MFAP3L: variants seen among roughly 807,000 people sequenced by gnomAD.
MFAP3L encodes the protein microfibrillar-associated protein 3-like.
In MFAP3L, 5 loss-of-function variants were observed where a neutral mutation model predicts 20.0. The ratio of observed to expected loss-of-function variants is 0.25; its 90% CI spans 0.13 to 0.53. The LOEUF is 0.53. MFAP3L is among the 20% of genes least tolerant of loss of function. MFAP3L has a pLI of 0.96. For missense variants in MFAP3L, 409 were observed against 527.5 expected (o/e 0.78, Z 2.20); for synonymous variants, 219 against 213.0 (o/e 1.03, Z -0.25).
chr4:170,011,982 G>A (rs1456948926), intron 1 of MFAP3L, among the ~76,000 whole-genome samples: 1 of 152,182 alleles, frequency 6.6e-6, no homozygotes, highest in Admixed American at 6.5e-5. Flanking sequence ...GGTGGTGTGT[G>A]CAAGAACAGA....
intron 2 of MFAP3L, among the ~76,000 whole-genome samples, chr4:170,001,401 A>G (rs1328380744): frequency 2.0e-5 from 3 of 152,232 alleles, no homozygotes; most frequent in African/African-American, 7.2e-5. Flanking sequence ...GTTTTTGGCA[A>G]CCAGACACTA....
chr4:170,013,689 A>G (rs1739523852), intron 1 of MFAP3L, among the ~76,000 whole-genome samples: 1 of 152,220 alleles, frequency 6.6e-6, no homozygotes, highest in South Asian at 2.1e-4. Context: ...AAATTGTTCT[A>G]GCACTTGAAA....
chr4:170,001,965 C>G (rs1248058264), intron 2 of MFAP3L: 1 of 985,340 alleles, frequency 1.0e-6, no homozygotes, highest in Admixed American at 6.1e-5. Context: ...GCTCTCTCAC[C>G]TTTTCAGCAG....
chr4:170,019,690 G>C (rs1424426246), intron 1 of MFAP3L, among the ~76,000 whole-genome samples: 1 of 152,166 alleles, frequency 6.6e-6, no homozygotes, highest in African/African-American at 2.4e-5. Context: ...GGACAATTCT[G>C]GAGCACTTTA....
In MFAP3L at chr4:169,991,429, T is replaced by G; in HGVS notation, c.1179A>C (p.Pro393=). 6.2e-7 allele frequency: 1 copy of G among 1,614,204 alleles called. No individual in the cohort carries two copies. The highest frequency in any genetic ancestry group is 8.5e-7 in the Non-Finnish European group (1 of 1,180,026). Residue 393 remains proline, a synonymous_variant, in exon 3 of 3, where the codon CCA becomes CCC. Transcript: ENST00000361618. The surrounding 1 kb of genome is among the most constrained non-coding windows in gnomAD (Gnocchi z 4.9). ...AGGTGTTTTTGTCATGTGTCACTGC[T>G]GGCTCTGTGGCTTCCAGGTAAGCTG... ...LPPAYLEATE[P]AVTHDKNTCI...
intron 1 of MFAP3L, among the ~76,000 whole-genome samples, chr4:170,016,448 C>A (rs1038827638): frequency 2.0e-5 from 3 of 152,232 alleles, no homozygotes; most frequent in East Asian, 1.9e-4. Flanking sequence ...AACCCTCAGG[C>A]CTTCAACCAG....
At chr4:169,995,947 T>C (rs994891517) in intron 2 of MFAP3L, among the ~76,000 whole-genome samples, 1 of 152,080 alleles carries the variant, frequency 6.6e-6, no homozygotes, top group African/African-American at 2.4e-5. Flanking sequence ...ACTCTCACGT[T>C]CTTCCTGCAC....
At chr4:170,020,028 T>A (rs552791915) in intron 1 of MFAP3L, among the ~76,000 whole-genome samples, 1 of 152,232 alleles carries the variant, frequency 6.6e-6, no homozygotes, top group Non-Finnish European at 1.5e-5. Context: ...GTCTGTGCCC[T>A]GTGATAAGGT....
chr4:170,022,612 A>C (rs901349930), intron 1 of MFAP3L, among the ~76,000 whole-genome samples: 3 of 152,204 alleles, frequency 2.0e-5, no homozygotes, highest in Non-Finnish European at 4.4e-5. Context: ...TGGGGCACGG[A>C]AGTTCAAACA....
chr4:170,004,051 G>A (rs1389352397), intron 2 of MFAP3L, among the ~76,000 whole-genome samples: 3 of 152,134 alleles, frequency 2.0e-5, no homozygotes, highest in Admixed American at 6.5e-5. Flanking sequence ...CTGCCTCCTG[G>A]GTTCAAGAGA....
In MFAP3L at chr4:169,989,665, G is replaced by A. The variant is rs1261114296; in HGVS notation, c.*1713C>T. ...TCACCTCCTCAGATGGTGACAGAGT[G>A]AGGACTAAACATCTGGGTCTGCTCT... is the stretch of plus-strand genomic sequence containing the variant. On this transcript the variant is annotated 3_prime_UTR_variant, in exon 3 of 3. Coordinates refer to ENST00000361618, the MANE Select transcript of MFAP3L (RefSeq NM_021647.8). 2 of 152,218 alleles carry A rather than the reference G, an allele frequency of 1.3e-5. No homozygotes were observed. The highest frequency in any genetic ancestry group is 6.5e-5 in the Admixed American group (1 of 15,278). The allele number at this position is 152,218 out of a possible 1,614,324, so 9.4% of individuals were successfully genotyped here.
rs1166648810 is a variant in MFAP3L, at chr4:169,990,523, T to C, written c.*855A>G. ...GATGTAACTTAAACAGTGACTTTCATGGGTGGTGTGGGTATATTTAACCTT... is the reference window on the plus strand; with the variant it reads ...GATGTAACTTAAACAGTGACTTTCACGGGTGGTGTGGGTATATTTAACCTT... On this transcript the variant is annotated 3_prime_UTR_variant, in exon 3 of 3. Transcript: ENST00000361618. The C allele has an allele frequency of 6.6e-6, 1 of 152,612 alleles. No individual in the cohort carries two copies. The highest frequency in any genetic ancestry group is 2.4e-5 in the African/African-American group (1 of 41,448). The allele number at this position is 152,612 out of a possible 1,614,324, so 9.5% of individuals were successfully genotyped here. A position where few individuals can be genotyped will look rare whatever the true frequency, so the allele number is the denominator to read the frequency against.
rs1283606197 is a variant in MFAP3L at position 169,989,075 on chromosome 4, G to C, written c.*2303C>G. On this transcript the variant is annotated 3_prime_UTR_variant, in exon 3 of 3. Transcript: ENST00000361618. Reference sequence around the variant, plus strand: ...AACTTAAGTCCTCTGTTGTTGCTTTGGGCATATAAACCCATGGTAATGAAT... The same window carrying C: ...AACTTAAGTCCTCTGTTGTTGCTTTCGGCATATAAACCCATGGTAATGAAT... 2.0e-5 allele frequency: 3 copies of C among 152,016 alleles called. No homozygotes were observed. Among genetic ancestry groups the C allele is most frequent in the African/African-American group, 7.2e-5 (3 of 41,392 alleles). 9.4% of individuals were successfully genotyped at this position (152,016 alleles called of 1,614,324 possible).
Position 170,026,251 on chromosome 4 carries a change from CT to C in MFAP3L, c.-152del. The C allele has an allele frequency of 3.0e-6, 3 of 984,656 alleles. No homozygotes were observed. In the South Asian group the frequency reaches 1.4e-4, roughly 46 times the overall value. 61.0% of individuals were successfully genotyped at this position (984,656 alleles called of 1,614,324 possible). Reference sequence around the variant, plus strand: ...CCGCTAACCTGACACCGCCGCGCCACTCAGGTGGCCGCCGTGCACCCCTCGC... The same window carrying C: ...CCGCTAACCTGACACCGCCGCGCCACCAGGTGGCCGCCGTGCACCCCTCGC... On this transcript the variant is annotated 5_prime_UTR_variant, in exon 1 of 3. It removes the in-frame stop codon of an upstream open reading frame in the 5' UTR. Transcript: ENST00000361618.
At chr4:170,007,819 C>A (rs1223137143) in intron 1 of MFAP3L, among the ~76,000 whole-genome samples, 1 of 152,056 alleles carries the variant, frequency 6.6e-6, no homozygotes, top group Non-Finnish European at 1.5e-5. Flanking sequence ...GGTGCCCGAG[C>A]CATAGCAGAT....
intron 1 of MFAP3L, among the ~76,000 whole-genome samples, chr4:170,010,843 G>C (rs941260117): frequency 6.6e-6 from 1 of 151,910 alleles, no homozygotes; most frequent in Non-Finnish European, 1.5e-5. Flanking sequence ...TGTTGTTCAA[G>C]CATCAACTAT....
At chr4:169,999,624 T>C (rs1438201638) in intron 2 of MFAP3L, among the ~76,000 whole-genome samples, 1 of 152,172 alleles carries the variant, frequency 6.6e-6, no homozygotes, top group African/African-American at 2.4e-5. Context: ...CTGTCATCCA[T>C]ATCTGAAATG....
At chr4:170,007,225 C>T (rs1299624224) in intron 1 of MFAP3L, among the ~76,000 whole-genome samples, 2 of 152,126 alleles carry the variant, frequency 1.3e-5, no homozygotes, top group East Asian at 3.9e-4. Context: ...GCTTTCCTGC[C>T]CTAGGAAGCC....
intron 1 of MFAP3L, among the ~76,000 whole-genome samples, chr4:170,025,001 G>T (rs1740260739): frequency 1.3e-5 from 2 of 152,226 alleles, no homozygotes; most frequent in Non-Finnish European, 2.9e-5. Flanking sequence ...AGAGGCTTGA[G>T]AATTTAGCTT....
Sources: gnomAD v4.1 joint callset for allele counts (sites outside exome capture counted in the v4.1 genomes callset) on GRCh38, gnomAD v4.1.1 for gene constraint, Gnocchi (gnomAD v3.1) non-coding constraint, MANE v1.5 for transcripts, NCBI Gene and HGNC (gene_info 2026-07-23, HGNC 2026-07-21) for gene names.